Variants in SIGLEC7 observed in about 807,000 individuals in gnomAD.
SIGLEC7 encodes sialic acid binding Ig like lectin 7.
SIGLEC7 carries 33 observed loss-of-function variants against 40.8 expected under a neutral mutation model. The observed-to-expected ratio is 0.81, with a 90% CI of 0.61 to 1.08. The LOEUF is 1.08. Ranked by LOEUF, SIGLEC7 falls within the 50% of genes least tolerant of loss-of-function variation. The probability of loss-of-function intolerance (pLI) is 0.00; values close to 1 mark genes in which losing one functional copy is unlikely to be tolerated. For synonymous variants in SIGLEC7, 242 were observed against 237.6 expected, an observed-to-expected ratio of 1.02 and a Z score of -0.17; for missense variants, 513 against 576.1, an observed-to-expected ratio of 0.89 and a Z score of 1.12.
At chr19:51,148,043 A>G (rs1290940895) in intron 6 of SIGLEC7, among the ~76,000 whole-genome samples, 3 of 152,202 alleles carry the variant, frequency 2.0e-5, no homozygotes, top group African/African-American at 7.2e-5. Flanking sequence ...CCCAAACTTC[A>G]TAACTGCAGC....
intron 6 of SIGLEC7, 145 bp from the exon 7 acceptor site, chr19:51,152,918 T>C: frequency 9.4e-6 from 5 of 530,894 alleles, no homozygotes; most frequent in Non-Finnish European, 6.4e-6. Context: ...AAAATGAACG[T>C]GGGATAGAGG....
At chr19:51,148,730 T>C (rs2092125226) in intron 6 of SIGLEC7, among the ~76,000 whole-genome samples, 1 of 152,254 alleles carries the variant, frequency 6.6e-6, no homozygotes, top group African/African-American at 2.4e-5. Context: ...TGTCAAATGA[T>C]AGTTCTGCTT....
At chr19:51,149,787 A>AGTAT (rs2092132605) in intron 6 of SIGLEC7, among the ~76,000 whole-genome samples, 1 of 152,150 alleles carries the variant, frequency 6.6e-6, no homozygotes, top group Non-Finnish European at 1.5e-5. Flanking sequence ...CCATGAGCAT[A>AGTAT]GTATGTTTTT....
In SIGLEC7 at chr19:51,149,109, GGTT is replaced by G. The variant is rs1162751134; in HGVS notation, c.1221+1796_1221+1798del. Among the ~76,000 whole-genome samples the G allele has an allele frequency of 4.6e-5, 7 of 152,236 alleles. No homozygotes were observed. The East Asian group carries it at 1.3e-3, about 29-fold the overall frequency. On this transcript the variant is annotated intron_variant, in intron 6 of 6. Transcript: ENST00000317643. The stretch of plus-strand genomic sequence containing the variant: ...GTTTGCAAGTATTTTCTCCCATTCC[GGTT>G]GTTTACTCTGTTGATGGTTTATTTT...
intron 5 of SIGLEC7, 171 bp from the exon 6 acceptor site, chr19:51,147,050 C>T (rs2092113145): frequency 2.6e-6 from 3 of 1,135,010 alleles, no homozygotes; most frequent in Non-Finnish European, 3.7e-6. Context: ...GCCCCACCAC[C>T]CAGGAGGCAG....
chr19:51,151,590 T>C (rs1037683929), intron 6 of SIGLEC7, among the ~76,000 whole-genome samples: 5 of 152,128 alleles, frequency 3.3e-5, no homozygotes, highest in Non-Finnish European at 7.4e-5. Flanking sequence ...CAGGGAGACC[T>C]GAAGCAATTG....
At chr19:51,144,208 G>A (rs1368037851) in intron 1 of SIGLEC7, 198 bp from the exon 2 acceptor site, 1 of 810,978 alleles carries the variant, frequency 1.2e-6, no homozygotes, top group Non-Finnish European at 2.1e-6. Context: ...TGACAGATAA[G>A]GCACAGGCTC....
rs373887471 is a variant in SIGLEC7, at chr19:51,145,864, C to A, written c.770C>A (p.Ala257Asp). 6.2e-7 allele frequency: 1 copy of A among 1,614,112 alleles called. No individual in the cohort carries two copies. The highest frequency in any genetic ancestry group is 8.5e-7 in the Non-Finnish European group (1 of 1,179,994). The change falls in exon 4 of 7, where the codon GCT becomes GAT. Residue 257 changes from alanine (A) to aspartate (D), a missense_variant. Transcript: ENST00000317643. The surrounding 1 kb of genome is among the most constrained non-coding windows in gnomAD (Gnocchi z 4.3). Reference protein sequence around the residue: ...VFQGEGTASTALGNSSSLSVL... With the variant: ...VFQGEGTASTDLGNSSSLSVL... ...AACTTTTTCTCTACAGCATCCACAGCTCTGGGGAACAGCTCATCTCTTTCA... is the reference window on the plus strand; with the variant it reads ...AACTTTTTCTCTACAGCATCCACAGATCTGGGGAACAGCTCATCTCTTTCA...
chr19:51,147,518 A>G (rs1052184355), intron 6 of SIGLEC7, among the ~76,000 whole-genome samples: 2 of 152,170 alleles, frequency 1.3e-5, no homozygotes, highest in East Asian at 1.9e-4. Context: ...CGGGCCAGGC[A>G]TGGAGGAGGA....
rs758670932 is a variant in SIGLEC7 at position 51,147,203 on chromosome 19, T to C, written c.1125-18T>C. 6.2e-7 allele frequency: 1 copy of C among 1,611,614 alleles called. No individual in the cohort carries two copies. The highest frequency in any genetic ancestry group is 1.1e-5 in the South Asian group (1 of 91,030). ...CCGATCTGACCACACTGAAAGGCTC[T>C]CTGGTCTCTTCACTCAGAGTGAGGT... On this transcript the variant is annotated intron_variant, in intron 5 of 6. Coordinates refer to ENST00000317643, the MANE Select transcript of SIGLEC7 (RefSeq NM_014385.4).
At chr19:51,143,522 C>T (rs1278267369) in intron 1 of SIGLEC7, among the ~76,000 whole-genome samples, 1 of 152,136 alleles carries the variant, frequency 6.6e-6, no homozygotes, top group Non-Finnish European at 1.5e-5. Flanking sequence ...GGTCTCTTCT[C>T]CTCCCTGGGT....
At chr19:51,152,055 TCA>T (rs1303375135) in intron 6 of SIGLEC7, among the ~76,000 whole-genome samples, 1 of 152,160 alleles carries the variant, frequency 6.6e-6, no homozygotes, top group African/African-American at 2.4e-5. Context: ...GTTCTGAAGG[TCA>T]CAACCCCAAA....
chr19:51,149,416 TC>T (rs2092130395), intron 6 of SIGLEC7, among the ~76,000 whole-genome samples: 1 of 152,208 alleles, frequency 6.6e-6, no homozygotes, highest in Admixed American at 6.5e-5. Context: ...AGGAGTCCTT[TC>T]CCCATTGCTT....
At chr19:51,146,176 C>T in intron 4 of SIGLEC7, 55 bp downstream of exon 4, 2 of 1,579,550 alleles carry the variant, frequency 1.3e-6, no homozygotes, top group Non-Finnish European at 8.6e-7. Flanking sequence ...CCTCATGGGC[C>T]ACCCACTGCC....
intron 6 of SIGLEC7, among the ~76,000 whole-genome samples, chr19:51,152,562 C>T (rs936278401): frequency 6.6e-6 from 1 of 152,178 alleles, no homozygotes; most frequent in Non-Finnish European, 1.5e-5. Context: ...CTCTTCCTGC[C>T]CATCTTATAA....
At chr19:51,144,272 G>A (rs1023471339) in intron 1 of SIGLEC7, 134 bp from the exon 2 acceptor site, 9 of 1,467,562 alleles carry the variant, frequency 6.1e-6, no homozygotes, top group Middle Eastern at 1.8e-4. Context: ...CCTGGGATGG[G>A]GCCCCTGCCC....
chr19:51,145,493 A>G lies in SIGLEC7; in HGVS notation c.761-362A>G, dbSNP rs937750974. 7.2e-5 allele frequency among the ~76,000 whole-genome samples: 11 copies of G among 152,130 alleles called. No individual in the cohort carries two copies. Among genetic ancestry groups the G allele is most frequent in the African/African-American group, 2.7e-4 (11 of 41,416 alleles). ...GGATGTGTGTGATTCCACTGTCTGA[A>G]TAGTCTCTGATTTTGTGGCATCTCC... is the stretch of plus-strand genomic sequence containing the variant. On this transcript the variant is annotated intron_variant, in intron 3 of 6. Coordinates refer to ENST00000317643, the MANE Select transcript of SIGLEC7 (RefSeq NM_014385.4). The surrounding 1 kb of genome is among the most constrained non-coding windows in gnomAD (Gnocchi z 4.3).
Position 51,146,787 on chromosome 19 carries a change from G to A in SIGLEC7, c.1061G>A (p.Gly354Glu). ...KMRPVSGVLL[G>E]AVGGAGATAL... is the part of the protein sequence containing the mutation. ...AGGCCTGTATCAGGAGTGTTGCTGG[G>A]GGCGGTCGGGGGAGCTGGAGCCACA... is the stretch of plus-strand genomic sequence containing the variant. The change falls in exon 5 of 7, where the codon GGG becomes GAG. Residue 354 changes from glycine to glutamate, a missense_variant. Transcript: ENST00000317643. 1 of 1,613,856 alleles carries A rather than the reference G, an allele frequency of 6.2e-7. No homozygotes were observed. The highest frequency in any genetic ancestry group is 8.5e-7 in the Non-Finnish European group (1 of 1,179,878).
At chr19:51,151,595 C>T (rs1599835918) in intron 6 of SIGLEC7, among the ~76,000 whole-genome samples, 1 of 152,132 alleles carries the variant, frequency 6.6e-6, no homozygotes, top group Non-Finnish European at 1.5e-5. Flanking sequence ...AGACCTGAAG[C>T]AATTGGCAAA....
Sources: gnomAD v4.1 joint callset for allele counts (sites outside exome capture counted in the v4.1 genomes callset) on GRCh38, gnomAD v4.1.1 for gene constraint, Gnocchi (gnomAD v3.1) non-coding constraint, MANE v1.5 for transcripts, NCBI Gene and HGNC (gene_info 2026-07-23, HGNC 2026-07-21) for gene names.